The following SIPA1L2 variants were observed in gnomAD, a reference collection of about 807,000 sequenced individuals.
The protein encoded by SIPA1L2 is signal induced proliferation associated 1 like 2.
Under a neutral mutation model 163.9 loss-of-function variants are expected in SIPA1L2, and 56 were observed. The ratio of observed to expected loss-of-function variants is 0.34; its 90% CI spans 0.28 to 0.43. The LOEUF (loss-of-function observed/expected upper bound fraction) is 0.43. SIPA1L2 is among the 20% of genes least tolerant of loss of function. The pLI is 1.00. For missense variants in SIPA1L2, 1,974 were observed against 2,193.5 expected, an observed-to-expected ratio of 0.90 and a Z score of 2.00; for synonymous variants, 877 against 865.7, an observed-to-expected ratio of 1.01 and a Z score of -0.23.
intron 1 of SIPA1L2, among the ~76,000 whole-genome samples, chr1:232,615,218 T>C (rs1306982869): frequency 1.3e-5 from 2 of 152,214 alleles, no homozygotes; most frequent in African/African-American, 2.4e-5. Flanking sequence ...ACCACAGCAC[T>C]TGCTGCCCTT....
At chr1:232,462,212 A>C in intron 9 of SIPA1L2, 2 of 1,550,822 alleles carry the variant, frequency 1.3e-6, no homozygotes, top group South Asian at 1.2e-5. Flanking sequence ...TTTACATCCA[A>C]TGAAAGAAAA....
At chr1:232,555,776 T>C (rs150998790) in intron 2 of SIPA1L2, among the ~76,000 whole-genome samples, 1 of 152,326 alleles carries the variant, frequency 6.6e-6, no homozygotes, top group African/African-American at 2.4e-5. Context: ...TAGAGAACTC[T>C]ACATTCTAGG....
chr1:232,579,391 G>A (rs1660248446), intron 1 of SIPA1L2, among the ~76,000 whole-genome samples: 1 of 152,164 alleles, frequency 6.6e-6, no homozygotes, highest in Non-Finnish European at 1.5e-5. Context: ...CTCCGGTCTA[G>A]ACTCTAGACA....
chr1:232,495,696 A>G (rs1239979023), intron 3 of SIPA1L2, among the ~76,000 whole-genome samples: 4 of 152,182 alleles, frequency 2.6e-5, no homozygotes, highest in Non-Finnish European at 4.4e-5. Context: ...TGCTTTGGTC[A>G]GCGACGCAAC....
intron 1 of SIPA1L2, among the ~76,000 whole-genome samples, chr1:232,575,982 T>A (rs1288794664): frequency 6.6e-6 from 1 of 152,158 alleles, no homozygotes; most frequent in Non-Finnish European, 1.5e-5. Flanking sequence ...GTCAAATTCA[T>A]AAAATCAGAA....
intron 2 of SIPA1L2, among the ~76,000 whole-genome samples, chr1:232,530,051 T>C (rs182555982): frequency 2.2e-4 from 33 of 152,264 alleles, no homozygotes; most frequent in African/African-American, 7.2e-4. Flanking sequence ...ACCAACCTGT[T>C]TCTCCTGCAG....
intron 10 of SIPA1L2, among the ~76,000 whole-genome samples, chr1:232,447,424 A>C (rs1000035190): frequency 1.3e-5 from 2 of 152,212 alleles, no homozygotes; most frequent in African/African-American, 4.8e-5. Context: ...CTCAACTTAA[A>C]TCTTGCCTTC....
At chr1:232,426,747 C>T (rs914226998) in intron 17 of SIPA1L2, among the ~76,000 whole-genome samples, 43 of 152,004 alleles carry the variant, frequency 2.8e-4, no homozygotes, top group African/African-American at 9.9e-4. Context: ...CTTAAATGAA[C>T]CATTAAAATT....
chr1:232,471,378 A>G lies in SIPA1L2; in HGVS notation c.2236T>C (p.Cys746Arg), dbSNP rs1664789513. 6 of 1,613,588 alleles carry G rather than the reference A, an allele frequency of 3.7e-6. No homozygotes were observed. The highest frequency in any genetic ancestry group is 4.2e-6 in the Non-Finnish European group (5 of 1,179,818). Residue 746 changes from cysteine (C) to arginine (R), a missense_variant, in exon 8 of 23, where the codon TGT becomes CGT. Cys to Arg is a radical substitution (Grantham distance 180, BLOSUM62 -3). Transcript: ENST00000674635. ...CAGGGATGACTGACTCACCTATAAC[A>G]CACATTTTCGGTACATGGATTATGC... is the stretch of plus-strand genomic sequence containing the variant. ...KVHNPCTENV[C>R]YSVGVSRSKD...
chr1:232,495,652 T>C (rs2103004873), intron 3 of SIPA1L2, among the ~76,000 whole-genome samples: 1 of 152,296 alleles, frequency 6.6e-6, no homozygotes, highest in East Asian at 1.9e-4. Flanking sequence ...CTATTTGTTT[T>C]AGTGGGTAAT....
intron 2 of SIPA1L2, among the ~76,000 whole-genome samples, chr1:232,520,693 T>C (rs1449191680): frequency 6.6e-6 from 1 of 152,174 alleles, no homozygotes; most frequent in African/African-American, 2.4e-5. Context: ...AAAAAATGCT[T>C]ATTTTTCATG....
intron 14 of SIPA1L2, among the ~76,000 whole-genome samples, chr1:232,440,611 A>G (rs1662832646): frequency 6.6e-6 from 1 of 152,240 alleles, no homozygotes; most frequent in Non-Finnish European, 1.5e-5. Flanking sequence ...CACATTAAGA[A>G]AGAAGAAAGA....
In SIPA1L2 at chr1:232,426,661, G is replaced by GA. The variant is rs532723096; in HGVS notation, c.4411-854dup. ...GGCAACAGAGCAAGACTCCGTCTTGGAAAAAAAAAAAGTATCACTTGCCAA... is the reference window on the plus strand; with the variant it reads ...GGCAACAGAGCAAGACTCCGTCTTGGAAAAAAAAAAAAGTATCACTTGCCAA... On this transcript the variant is annotated intron_variant, in intron 17 of 22. Transcript: ENST00000674635. 4.8e-3 allele frequency among the ~76,000 whole-genome samples: 702 copies of GA among 145,004 alleles called. 8 individuals carry two copies. Among genetic ancestry groups the GA allele is most frequent in the Middle Eastern group, 0.032 (9 of 284 alleles).
At chr1:232,451,076 A>C (rs1015077319) in intron 10 of SIPA1L2, among the ~76,000 whole-genome samples, 3 of 152,226 alleles carry the variant, frequency 2.0e-5, no homozygotes, top group African/African-American at 7.2e-5. Context: ...ACACTTTTAC[A>C]GCAACTACTC....
intron 19 of SIPA1L2, 62 bp downstream of exon 19, chr1:232,415,432 C>T (rs1431120587): frequency 5.2e-6 from 8 of 1,525,576 alleles, no homozygotes; most frequent in Admixed American, 2.3e-5. Context: ...AGATGCCGCA[C>T]AGGCCCTGCA....
At chr1:232,436,939 G>A (rs1662601259) in intron 15 of SIPA1L2, among the ~76,000 whole-genome samples, 1 of 152,166 alleles carries the variant, frequency 6.6e-6, no homozygotes, top group African/African-American at 2.4e-5. Flanking sequence ...AGTGGTAAAA[G>A]ATTCCACTCA....
Position 232,492,407 on chromosome 1 carries a change from T to G in SIPA1L2, c.1617+1120A>C, listed in dbSNP as rs111710054. ...CTGGAGTGCAGGGCCTATTCACAGG[T>G]GTAACCATACTGCCCTACAGCCTCA... is the stretch of plus-strand genomic sequence containing the variant. On this transcript the variant is annotated intron_variant, in intron 4 of 22. Coordinates refer to ENST00000674635, the MANE Select transcript of SIPA1L2 (RefSeq NM_020808.5). Among the ~76,000 whole-genome samples the G allele has an allele frequency of 2.6e-3, 393 of 152,172 alleles. 4 individuals are homozygous for G. Among genetic ancestry groups the G allele is most frequent in the African/African-American group, 9.2e-3 (383 of 41,510 alleles).
chr1:232,577,338 C>T (rs1419579016), intron 1 of SIPA1L2, among the ~76,000 whole-genome samples: 5 of 152,190 alleles, frequency 3.3e-5, no homozygotes, highest in African/African-American at 1.2e-4. Context: ...TGTTACTGCT[C>T]ATTGACAATG....
At chr1:232,480,129 C>T (rs945908325) in intron 6 of SIPA1L2, among the ~76,000 whole-genome samples, 2 of 148,722 alleles carry the variant, frequency 1.3e-5, no homozygotes, top group African/African-American at 5.0e-5. Context: ...GGCAGATGGC[C>T]TGGCCGCATC....
Sources: allele counts gnomAD v4.1 joint callset (sites outside exome capture counted in the v4.1 genomes callset), GRCh38; gene constraint gnomAD v4.1.1; transcripts MANE v1.5; gene names NCBI Gene and HGNC (gene_info 2026-07-23, HGNC 2026-07-21).